The following ANKRD11 variants were observed in gnomAD, a reference collection of about 807,000 sequenced individuals.
ANKRD11 encodes the protein ankyrin repeat domain 11.
Under a neutral mutation model 195.7 loss-of-function variants are expected in ANKRD11, and 17 were observed. The ratio of observed to expected loss-of-function variants is 0.09; its 90% CI spans 0.06 to 0.13. ANKRD11 has a LOEUF of 0.13. Among genes scored for constraint, ANKRD11 ranks in the 10% least tolerant of loss-of-function variants. The pLI, the probability that ANKRD11 is intolerant of heterozygous loss-of-function variation, is 1.00. For synonymous variants in ANKRD11, 1,953 were observed against 1,528.1 expected (o/e 1.28, Z -6.49); for missense variants, 3,735 against 3,566.1 (o/e 1.05, Z -1.21).
intron 2 of ANKRD11, among the ~76,000 whole-genome samples, chr16:89,417,454 T>G (rs547835309): frequency 6.6e-6 from 1 of 152,294 alleles, no homozygotes; most frequent in Non-Finnish European, 1.5e-5. Context: ...GGGAGGACTC[T>G]GCCCTACAGC....
At chr16:89,410,109 G>A (rs1454247003) in intron 2 of ANKRD11, among the ~76,000 whole-genome samples, 1 of 152,174 alleles carries the variant, frequency 6.6e-6, no homozygotes, top group Non-Finnish European at 1.5e-5. Context: ...AAAGTGCTGG[G>A]ATTACAGGCG....
At chr16:89,449,789 A>T (rs1283428339) in intron 1 of ANKRD11, among the ~76,000 whole-genome samples, 1 of 152,124 alleles carries the variant, frequency 6.6e-6, no homozygotes, top group Non-Finnish European at 1.5e-5. Flanking sequence ...GCGAAACTCC[A>T]TCTCAAAAAA....
chr16:89,468,970 T>C (rs894808835), intron 1 of ANKRD11, among the ~76,000 whole-genome samples: 2 of 152,194 alleles, frequency 1.3e-5, no homozygotes, highest in South Asian at 4.1e-4. Context: ...AAATTCAATG[T>C]CCATTCCTGA....
chr16:89,465,012 G>C (rs1456284669), intron 1 of ANKRD11, among the ~76,000 whole-genome samples: 1 of 152,200 alleles, frequency 6.6e-6, no homozygotes, highest in East Asian at 1.9e-4. Flanking sequence ...TTTATACCTG[G>C]TTGAAAAAGA....
chr16:89,286,148 C>G lies in ANKRD11; in HGVS notation c.783G>C (p.Gln261His). ...KLLLRYGGNP[Q>H]QSNRKGETPL... ...GCGTCTCGCCTTTCCTGTTGCTCTG[C>G]TGCGGGTTCCCTCCGTACCGCAGCA... Residue 261 changes from glutamine (Q) to histidine (H), a missense_variant, in exon 8 of 13, where the codon CAG becomes CAC. Transcript: ENST00000301030. The G allele has an allele frequency of 6.2e-7, 1 of 1,614,092 alleles. No homozygotes were observed. The highest frequency in any genetic ancestry group is 8.5e-7 in the Non-Finnish European group (1 of 1,180,040).
chr16:89,424,008 CG>C (rs2042617586), intron 1 of ANKRD11, among the ~76,000 whole-genome samples: 1 of 151,972 alleles, frequency 6.6e-6, no homozygotes, highest in South Asian at 2.1e-4. Flanking sequence ...GAAACTCAGG[CG>C]ACCTCCGGGA....
chr16:89,391,160 G>A (rs1428900188), intron 2 of ANKRD11, among the ~76,000 whole-genome samples: 6 of 151,566 alleles, frequency 4.0e-5, no homozygotes, highest in Non-Finnish European at 7.4e-5. Context: ...CCCGGAAGGC[G>A]GAGCTTGCAG....
chr16:89,338,243 T>C (rs1322814529), intron 2 of ANKRD11, among the ~76,000 whole-genome samples: 5 of 152,000 alleles, frequency 3.3e-5, no homozygotes, highest in Non-Finnish European at 5.9e-5. Context: ...TCAGTGTCCA[T>C]GTGCTGCCAT....
At chr16:89,323,964 C>G (rs1053775582) in intron 2 of ANKRD11, 2 of 226,986 alleles carry the variant, frequency 8.8e-6, no homozygotes, top group Non-Finnish European at 1.8e-5. Flanking sequence ...GTCGGCCCCT[C>G]CCCTGCACCC....
intron 2 of ANKRD11, among the ~76,000 whole-genome samples, chr16:89,386,447 A>G (rs1222829508): frequency 6.6e-6 from 1 of 152,158 alleles, no homozygotes; most frequent in East Asian, 1.9e-4. Context: ...GGTCCCTAGC[A>G]AGAGGCCCTC....
intron 1 of ANKRD11, among the ~76,000 whole-genome samples, chr16:89,464,335 G>A (rs371188613): frequency 9.2e-5 from 14 of 151,820 alleles, no homozygotes; most frequent in Non-Finnish European, 1.5e-4. Context: ...CTGGCAGAGC[G>A]TGGTGGCTCA....
At chr16:89,387,229 T>TAA (rs74265463) in intron 2 of ANKRD11, among the ~76,000 whole-genome samples, 2 of 139,522 alleles carry the variant, frequency 1.4e-5, no homozygotes, top group East Asian at 4.1e-4. Flanking sequence ...AGTGCCAAGT[T>TAA]AAAAAAAAAA....
intron 2 of ANKRD11, among the ~76,000 whole-genome samples, chr16:89,393,490 C>CTT (rs5818715): frequency 3.0e-4 from 35 of 117,088 alleles, no homozygotes; most frequent in African/African-American, 6.6e-4. Flanking sequence ...TATCCAGCTG[C>CTT]TTTTTTTTTT....
rs752473346 is a variant in ANKRD11, at chr16:89,290,641, G to A, written c.585C>T (p.Asn195=). 5.3e-5 allele frequency: 86 copies of A among 1,613,114 alleles called. No homozygotes were observed. The highest frequency in any genetic ancestry group is 6.5e-5 in the Non-Finnish European group (77 of 1,180,006). The stretch of plus-strand genomic sequence containing the variant: ...GGTGCCCACCTGCGAAGTCCTTGAC[G>A]TTGACGTCTGCCCCCTCGCTGATGA... The part of the protein sequence containing the change: ...KELISEGADV[N]VKDFAGWTAL... Residue 195 remains asparagine, a synonymous_variant, in exon 6 of 13, where the codon AAC becomes AAT. Coordinates refer to ENST00000301030, the MANE Select transcript of ANKRD11 (RefSeq NM_013275.6).
intron 2 of ANKRD11, among the ~76,000 whole-genome samples, chr16:89,402,044 G>C (rs563045105): frequency 9.2e-5 from 14 of 152,024 alleles, no homozygotes; most frequent in East Asian, 5.8e-4. Context: ...CTGGTCTGTG[G>C]TGATTTATCA....
chr16:89,329,325 G>A (rs758853292), intron 2 of ANKRD11, among the ~76,000 whole-genome samples: 31 of 152,184 alleles, frequency 2.0e-4, no homozygotes, highest in Non-Finnish European at 4.0e-4. Flanking sequence ...ACTGGGCGAA[G>A]GTGGGGAAGG....
intron 2 of ANKRD11, among the ~76,000 whole-genome samples, chr16:89,330,526 G>C (rs1037617922): frequency 1.1e-4 from 16 of 152,170 alleles, no homozygotes; most frequent in African/African-American, 3.6e-4. Context: ...CGTGGCAGCG[G>C]GTTTCCACAG....
chr16:89,464,035 T>TA (rs1234001036), intron 1 of ANKRD11, among the ~76,000 whole-genome samples: 1 of 152,130 alleles, frequency 6.6e-6, no homozygotes, highest in Non-Finnish European at 1.5e-5. Flanking sequence ...GGTCAGGAGT[T>TA]AAAGACCAGC....
intron 2 of ANKRD11, among the ~76,000 whole-genome samples, chr16:89,341,338 A>G (rs1433621597): frequency 6.6e-6 from 1 of 152,202 alleles, no homozygotes; most frequent in Non-Finnish European, 1.5e-5. Context: ...CAATCAAACC[A>G]AAAGGAAGCA....
Sources: allele counts gnomAD v4.1 joint callset (sites outside exome capture counted in the v4.1 genomes callset), GRCh38; gene constraint gnomAD v4.1.1; transcripts MANE v1.5; gene names NCBI Gene and HGNC (gene_info 2026-07-23, HGNC 2026-07-21).